Variants in BMERB1 observed in about 807,000 individuals in gnomAD.
BMERB1 encodes bMERB domain containing 1.
BMERB1 carries 12 observed loss-of-function variants against 23.6 expected under a neutral mutation model. The ratio of observed to expected loss-of-function variants is 0.51; its 90% CI spans 0.33 to 0.82. The LOEUF is 0.82. BMERB1 is among the 40% of genes least tolerant of loss of function. The probability of loss-of-function intolerance (pLI) is 0.03; values close to 1 mark genes in which losing one functional copy is unlikely to be tolerated. For missense variants in BMERB1, 247 were observed against 255.4 expected, an observed-to-expected ratio of 0.97 and a Z score of 0.22; for synonymous variants, 122 against 96.6, an observed-to-expected ratio of 1.26 and a Z score of -1.54.
intron 2 of BMERB1, chr16:15,536,805 C>G (rs536943084): frequency 5.2e-5 from 8 of 152,464 alleles, no homozygotes; most frequent in African/African-American, 1.9e-4. Flanking sequence ...GCCCCCTCAC[C>G]TCCCACGGCA....
At chr16:15,525,903 T>C (rs2051900800) in intron 2 of BMERB1, among the ~76,000 whole-genome samples, 1 of 152,152 alleles carries the variant, frequency 6.6e-6, no homozygotes, top group Non-Finnish European at 1.5e-5. Flanking sequence ...GAAATTGGCC[T>C]TATCTCTTTG....
At chr16:15,476,750 C>A (rs1318276237) in intron 1 of BMERB1, among the ~76,000 whole-genome samples, 1 of 152,196 alleles carries the variant, frequency 6.6e-6, no homozygotes, top group Non-Finnish European at 1.5e-5. Context: ...TCACCAGACC[C>A]TGATGACATG....
At chr16:15,583,334 A>G (rs1294523492) in intron 5 of BMERB1, 96 bp downstream of exon 5, 1 of 1,000,396 alleles carries the variant, frequency 1.0e-6, no homozygotes, top group Non-Finnish European at 1.6e-6. Context: ...TCCCAGCACT[A>G]TGAGAGGCCA....
At chr16:15,557,729 C>G (rs901852796) in intron 2 of BMERB1, among the ~76,000 whole-genome samples, 1 of 152,114 alleles carries the variant, frequency 6.6e-6, no homozygotes, top group African/African-American at 2.4e-5. Flanking sequence ...GTTGTTCACA[C>G]TACTTAAGTC....
At chr16:15,460,224 A>G (rs184784254) in intron 1 of BMERB1, among the ~76,000 whole-genome samples, 8 of 152,328 alleles carry the variant, frequency 5.3e-5, no homozygotes, top group Admixed American at 2.6e-4. Context: ...GATTCAAATT[A>G]GAGAAGTACT....
chr16:15,498,995 A>T (rs1352766736), intron 1 of BMERB1, among the ~76,000 whole-genome samples: 1 of 152,274 alleles, frequency 6.6e-6, no homozygotes, highest in Non-Finnish European at 1.5e-5. Flanking sequence ...TCCTGCACTC[A>T]GAATGAGTCT....
At chr16:15,474,888 ATGTTGGCCAGGC>A (rs1345634274) in intron 1 of BMERB1, among the ~76,000 whole-genome samples, 1 of 151,868 alleles carries the variant, frequency 6.6e-6, no homozygotes, top group Non-Finnish European at 1.5e-5. Context: ...GGGTTTCAAC[ATGTTGGCCAGGC>A]TGGTCTTGAA....
chr16:15,557,178 G>A (rs762093944), intron 2 of BMERB1, among the ~76,000 whole-genome samples: 8 of 152,038 alleles, frequency 5.3e-5, no homozygotes, highest in Non-Finnish European at 8.8e-5. Context: ...TTCCCCTATC[G>A]TCCCAGCGTG....
chr16:15,555,761 G>T (rs1439191450), intron 2 of BMERB1, among the ~76,000 whole-genome samples: 2 of 152,194 alleles, frequency 1.3e-5, no homozygotes, highest in East Asian at 1.9e-4. Flanking sequence ...GAGGCCAGGG[G>T]CTCCCTGGAC....
chr16:15,529,186 G>A (rs1309582114), intron 2 of BMERB1, among the ~76,000 whole-genome samples: 1 of 151,984 alleles, frequency 6.6e-6, no homozygotes, highest in Non-Finnish European at 1.5e-5. Flanking sequence ...CACCACGCCC[G>A]GCTAACTTTT....
At chr16:15,497,519 A>G (rs993316738) in intron 1 of BMERB1, among the ~76,000 whole-genome samples, 1 of 152,208 alleles carries the variant, frequency 6.6e-6, no homozygotes, top group Non-Finnish European at 1.5e-5. Flanking sequence ...AAAACTGTCT[A>G]TGGGACTACT....
chr16:15,476,620 G>A (rs777769301), intron 1 of BMERB1, among the ~76,000 whole-genome samples: 2 of 152,324 alleles, frequency 1.3e-5, no homozygotes, highest in African/African-American at 2.4e-5. Context: ...TGGAGACTCC[G>A]GCTCTGCCGG....
intron 1 of BMERB1, among the ~76,000 whole-genome samples, chr16:15,444,123 G>GTTTTTTTTTTTTTTGTTTTTTTTTTTTTT (rs2050966802): frequency 2.8e-5 from 1 of 35,610 alleles, no homozygotes. Context: ...CACCAGCTTT[G>GTTTTTTTTTTTTTTGTTTTTTTTTTTTTT]TTTTTTTTTT....
intron 1 of BMERB1, among the ~76,000 whole-genome samples, chr16:15,488,902 C>CA (rs769821665): frequency 0.14 from 7,931 of 56,940 alleles, 430 homozygotes; most frequent in South Asian, 0.2. Flanking sequence ...ACTGCATATG[C>CA]AAAAAAAAAA....
At chr16:15,529,726 A>G (rs1194069072) in intron 2 of BMERB1, among the ~76,000 whole-genome samples, 1 of 152,006 alleles carries the variant, frequency 6.6e-6, no homozygotes, top group Non-Finnish European at 1.5e-5. Context: ...CGGTCACATA[A>G]TCTCAAGGGT....
chr16:15,476,061 A>G (rs1395933872), intron 1 of BMERB1, among the ~76,000 whole-genome samples: 1 of 151,984 alleles, frequency 6.6e-6, no homozygotes, highest in Non-Finnish European at 1.5e-5. Context: ...GAACAAACAC[A>G]CTTTTATTAA....
chr16:15,450,881 C>T (rs2051035803), intron 1 of BMERB1, among the ~76,000 whole-genome samples: 1 of 152,150 alleles, frequency 6.6e-6, no homozygotes, highest in Non-Finnish European at 1.5e-5. Context: ...CAGAGCTTGT[C>T]ATGCTGCTGC....
At chr16:15,462,137 CTTTTTTTTTTT>C (rs71152431) in intron 1 of BMERB1, among the ~76,000 whole-genome samples, 10 of 56,966 alleles carry the variant, frequency 1.8e-4, no homozygotes, top group Non-Finnish European at 3.0e-4. Context: ...GATGTCCTGC[CTTTTTTTTTTT>C]TTTTTTTTTT....
At chr16:15,550,455 C>T (rs912251182) in intron 2 of BMERB1, among the ~76,000 whole-genome samples, 11 of 152,032 alleles carry the variant, frequency 7.2e-5, no homozygotes, top group South Asian at 2.1e-4. Flanking sequence ...ACCTCAGCCC[C>T]GCAAGTTGCT....
Sources: gnomAD v4.1 joint callset for allele counts (sites outside exome capture counted in the v4.1 genomes callset) on GRCh38, gnomAD v4.1.1 for gene constraint, MANE v1.5 for transcripts, NCBI Gene and HGNC (gene_info 2026-07-23, HGNC 2026-07-21) for gene names.